CELF2: variants seen among roughly 807,000 people sequenced by gnomAD.
The protein encoded by CELF2 is CUGBP Elav-like family member 2, also known as CUG triplet repeat RNA-binding protein 2.
In CELF2, 8 loss-of-function variants were observed where a neutral mutation model predicts 62.6. The ratio of observed to expected loss-of-function variants is 0.13; its 90% CI spans 0.07 to 0.23. The LOEUF (loss-of-function observed/expected upper bound fraction) is 0.23. Among genes scored for constraint, CELF2 ranks in the 10% least tolerant of loss-of-function variants. CELF2 has a pLI of 1.00. For synonymous variants in CELF2, 258 were observed against 250.0 expected (o/e 1.03, Z -0.30); for missense variants, 333 against 671.0 (o/e 0.50, Z 5.56).
chr10:11,029,032 G>A (rs932744131), intron 1 of CELF2, among the ~76,000 whole-genome samples: 2 of 152,224 alleles, frequency 1.3e-5, no homozygotes, highest in African/African-American at 4.8e-5. Flanking sequence ...GATTTTGATG[G>A]TATGAATATG....
intron 2 of CELF2, among the ~76,000 whole-genome samples, chr10:11,175,008 G>T (rs1428488305): frequency 1.3e-5 from 2 of 152,074 alleles, no homozygotes; most frequent in South Asian, 2.1e-4. Flanking sequence ...TTAGAAAGGG[G>T]TGTTTTTTAG....
chr10:11,147,065 C>T (rs1237684212), intron 1 of CELF2, among the ~76,000 whole-genome samples: 1 of 152,186 alleles, frequency 6.6e-6, no homozygotes, highest in Non-Finnish European at 1.5e-5. Context: ...CACATTACTA[C>T]GTCCTGTTTA....
At chr10:11,032,233 G>T (rs1347352187) in intron 1 of CELF2, among the ~76,000 whole-genome samples, 4 of 148,424 alleles carry the variant, frequency 2.7e-5, no homozygotes, top group Non-Finnish European at 4.5e-5. Context: ...ACCTGGCTTT[G>T]GTACCAGAAA....
In CELF2 at chr10:11,157,229, T is replaced by C. The variant is rs181666408; in HGVS notation, c.75-8257T>C. On this transcript the variant is annotated intron_variant, in intron 1 of 12. Coordinates refer to ENST00000633077, the MANE Select transcript of CELF2 (RefSeq NM_001326342.2). The surrounding 1 kb of genome is among the most constrained non-coding windows in gnomAD (Gnocchi z 4.9). ...TCCGTGCCTCTCACACATGCATGGT[T>C]GTAGAGGAGCTGTGCTCTGGGGCCG... Among the ~76,000 whole-genome samples, 1 of 152,276 alleles carries C rather than the reference T, an allele frequency of 6.6e-6. No individual in the cohort carries two copies. The highest frequency in any genetic ancestry group is 1.9e-4 in the East Asian group (1 of 5,176).
chr10:11,187,655 A>ACT (rs1287895134), intron 2 of CELF2, among the ~76,000 whole-genome samples: 2 of 149,692 alleles, frequency 1.3e-5, no homozygotes, highest in Non-Finnish European at 3.0e-5. Context: ...TTGTTGGCTT[A>ACT]CTAGTTATAG....
At chr10:10,657,684 A>G in the CELF2 span, among the ~76,000 whole-genome samples, 3 of 151,648 alleles carry the variant, frequency 2.0e-5, no homozygotes, top group Admixed American at 6.5e-5. Context: ...ATCTACATAC[A>G]TATGTTATTA....
chr10:10,769,174 G>C, the CELF2 span, among the ~76,000 whole-genome samples: 1 of 152,170 alleles, frequency 6.6e-6, no homozygotes, highest in Non-Finnish European at 1.5e-5. Context: ...AGAATGCAGA[G>C]ATTAAAGCTG....
the CELF2 span, among the ~76,000 whole-genome samples, chr10:10,580,803 T>C: frequency 2.0e-5 from 3 of 152,226 alleles, no homozygotes; most frequent in Non-Finnish European, 4.4e-5. Context: ...TAACAAACTG[T>C]ATTACATTGG....
At chr10:11,106,018 T>C (rs1332844515) in intron 1 of CELF2, among the ~76,000 whole-genome samples, 1 of 152,214 alleles carries the variant, frequency 6.6e-6, no homozygotes, top group Non-Finnish European at 1.5e-5. Context: ...TAGAATGTGG[T>C]TACTGGGTAC....
In CELF2 at chr10:11,209,501, G is replaced by A. The variant is rs1204435798; in HGVS notation, c.272-7924G>A. On this transcript the variant is annotated intron_variant, in intron 2 of 12. Coordinates refer to ENST00000633077, the MANE Select transcript of CELF2 (RefSeq NM_001326342.2). ...TTGTACTTTCTAAGAATGTCATTTT[G>A]TCATTGCCTTTTGCCTCAAGATGCT... is the stretch of plus-strand genomic sequence containing the variant. Among the ~76,000 whole-genome samples, 5 of 150,466 alleles carry A rather than the reference G, an allele frequency of 3.3e-5. No homozygotes were observed. The East Asian group carries it at 9.8e-4, about 29-fold the overall frequency.
chr10:11,192,615 T>C (rs936065041), intron 2 of CELF2, among the ~76,000 whole-genome samples: 5 of 152,170 alleles, frequency 3.3e-5, no homozygotes, highest in African/African-American at 7.2e-5. Flanking sequence ...CCTTGCTATT[T>C]TGGAAAGCAG....
intron 2 of CELF2, among the ~76,000 whole-genome samples, chr10:10,950,286 G>A (rs1013840085): frequency 6.6e-6 from 1 of 152,016 alleles, no homozygotes; most frequent in Admixed American, 6.6e-5. Flanking sequence ...TGTGTCTGAG[G>A]ACGGGAGGTG....
rs2082638716 is a variant in CELF2 at position 11,268,011 on chromosome 10, T to A, written c.618+1334T>A. On this transcript the variant is annotated intron_variant, in intron 6 of 12. Transcript: ENST00000633077. This position sits in a 1 kb window ranked among gnomAD's most constrained non-coding sequence, Gnocchi z 4.7. The stretch of plus-strand genomic sequence containing the variant: ...CACAACCCCCTACCTGAAGGCAAGC[T>A]CAGGTGAAAATCGGGCATGATAGGC... Among the ~76,000 whole-genome samples, 1 of 152,146 alleles carries A rather than the reference T, an allele frequency of 6.6e-6. No homozygotes were observed. Among genetic ancestry groups the A allele is most frequent in the South Asian group, 2.1e-4 (1 of 4,828 alleles).
intron 1 of CELF2, among the ~76,000 whole-genome samples, chr10:10,806,160 A>G (rs1019679704): frequency 1.3e-5 from 2 of 148,690 alleles, no homozygotes; most frequent in East Asian, 2.0e-4. Flanking sequence ...CACGAAGGGT[A>G]TTTCCTGGAG....
chr10:10,679,355 T>G, the CELF2 span, among the ~76,000 whole-genome samples: 1 of 152,210 alleles, frequency 6.6e-6, no homozygotes, highest in South Asian at 2.1e-4. Context: ...AATGATGTGA[T>G]CTCGGCTCAC....
At chr10:11,241,188 G>T (rs183037956) in intron 3 of CELF2, among the ~76,000 whole-genome samples, 252 of 152,282 alleles carry the variant, frequency 1.7e-3, no homozygotes, top group African/African-American at 5.7e-3. Flanking sequence ...CTTTGTCCCA[G>T]TGATAAAAAC....
chr10:11,066,628 A>G (rs2068239830), intron 1 of CELF2, among the ~76,000 whole-genome samples: 1 of 152,078 alleles, frequency 6.6e-6, no homozygotes, highest in Non-Finnish European at 1.5e-5. Context: ...CCGTTCACAT[A>G]TGTAGTTGCC....
At chr10:10,870,256 A>G (rs1053203981) in intron 1 of CELF2, among the ~76,000 whole-genome samples, 1 of 152,102 alleles carries the variant, frequency 6.6e-6, no homozygotes, top group Admixed American at 6.5e-5. Context: ...AAATTTAGGG[A>G]CATTTGGTAT....
chr10:11,126,390 T>C (rs1198176579), intron 1 of CELF2, among the ~76,000 whole-genome samples: 3 of 152,176 alleles, frequency 2.0e-5, no homozygotes, highest in African/African-American at 7.2e-5. Flanking sequence ...TGGACTATAG[T>C]ATTAAGCAAA....
Sources: gnomAD v4.1 joint callset for allele counts (sites outside exome capture counted in the v4.1 genomes callset) on GRCh38, gnomAD v4.1.1 for gene constraint, Gnocchi (gnomAD v3.1) non-coding constraint, MANE v1.5 for transcripts, NCBI Gene and HGNC (gene_info 2026-07-23, HGNC 2026-07-21) for gene names.